ZRANB3: variants seen among roughly 807,000 people sequenced by gnomAD.
The protein encoded by ZRANB3 is zinc finger RANBP2-type containing 3.
ZRANB3 carries 125 observed loss-of-function variants against 133.8 expected under a neutral mutation model. The observed-to-expected ratio is 0.93, with a 90% CI of 0.81 to 1.08. The LOEUF is 1.08. ZRANB3 is among the 50% of genes least tolerant of loss of function. The pLI is 0.00. For synonymous variants in ZRANB3, 387 were observed against 432.7 expected, an observed-to-expected ratio of 0.89 and a Z score of 1.31; for missense variants, 1,229 against 1,275.5, an observed-to-expected ratio of 0.96 and a Z score of 0.56.
intron 3 of ZRANB3, among the ~76,000 whole-genome samples, chr2:135,383,228 A>G (rs1353062982): frequency 6.6e-6 from 1 of 152,226 alleles, no homozygotes; most frequent in African/African-American, 2.4e-5. Context: ...TTAAACCAAC[A>G]AAGATCAAAA....
intron 2 of ZRANB3, among the ~76,000 whole-genome samples, chr2:135,454,563 G>T (rs1355245065): frequency 3.3e-5 from 5 of 152,094 alleles, no homozygotes; most frequent in Admixed American, 2.0e-4. Context: ...CTACCCAAAA[G>T]ATGACTTTTC....
chr2:135,410,564 A>C (rs1574061025), intron 2 of ZRANB3, among the ~76,000 whole-genome samples: 1 of 152,298 alleles, frequency 6.6e-6, no homozygotes, highest in Non-Finnish European at 1.5e-5. Context: ...TCTCTTCTGG[A>C]CACTGGACTA....
At chr2:135,419,138 C>T (rs1688725958) in intron 2 of ZRANB3, among the ~76,000 whole-genome samples, 1 of 151,448 alleles carries the variant, frequency 6.6e-6, no homozygotes, top group Non-Finnish European at 1.5e-5. Flanking sequence ...GGGGTTTCAC[C>T]ATGTTAGCCA....
intron 12 of ZRANB3, among the ~76,000 whole-genome samples, chr2:135,259,795 C>T (rs1679859417): frequency 1.3e-5 from 2 of 151,796 alleles, no homozygotes; most frequent in Admixed American, 6.6e-5. Flanking sequence ...TTTGGCTCAC[C>T]TATGAATCAT....
At chr2:135,218,553 A>T (rs1694405680) in intron 16 of ZRANB3, among the ~76,000 whole-genome samples, 1 of 152,066 alleles carries the variant, frequency 6.6e-6, no homozygotes, top group Non-Finnish European at 1.5e-5. Flanking sequence ...TAAAAATAGC[A>T]CACAGCATGC....
At chr2:135,244,002 C>T (rs1054231895) in intron 12 of ZRANB3, among the ~76,000 whole-genome samples, 1 of 150,502 alleles carries the variant, frequency 6.6e-6, no homozygotes, top group African/African-American at 2.4e-5. Context: ...TAATAGTCCA[C>T]TATCATCTAC....
intron 8 of ZRANB3, among the ~76,000 whole-genome samples, chr2:135,313,015 G>A (rs1219071977): frequency 1.4e-5 from 2 of 142,410 alleles, no homozygotes; most frequent in African/African-American, 2.6e-5. Context: ...GTAAGATTCC[G>A]TCTTTAAAAA....
At chr2:135,411,410 T>G (rs772414131) in intron 2 of ZRANB3, among the ~76,000 whole-genome samples, 2 of 152,138 alleles carry the variant, frequency 1.3e-5, no homozygotes, top group African/African-American at 2.4e-5. Context: ...GAAACCCTAC[T>G]ACTGGGTATT....
chr2:135,311,595 A>T (rs867949948), intron 8 of ZRANB3, among the ~76,000 whole-genome samples: 10 of 148,970 alleles, frequency 6.7e-5, no homozygotes, highest in Non-Finnish European at 9.0e-5. Flanking sequence ...AAAAAAAAAA[A>T]TTTTAGGGGC....
At chr2:135,460,942 G>A (rs2105015914) in intron 2 of ZRANB3, among the ~76,000 whole-genome samples, 1 of 152,134 alleles carries the variant, frequency 6.6e-6, no homozygotes, top group South Asian at 2.1e-4. Flanking sequence ...TAACTAAAAG[G>A]CAATAAAATA....
intron 12 of ZRANB3, among the ~76,000 whole-genome samples, chr2:135,232,436 G>A (rs1558848324): frequency 6.6e-6 from 1 of 152,202 alleles, no homozygotes; most frequent in Non-Finnish European, 1.5e-5. Flanking sequence ...TGACAGCTTT[G>A]AAGAGAGTAG....
At chr2:135,403,231 T>C (rs1687826328) in intron 2 of ZRANB3, among the ~76,000 whole-genome samples, 1 of 152,166 alleles carries the variant, frequency 6.6e-6, no homozygotes, top group Admixed American at 6.5e-5. Context: ...AGATGGCACC[T>C]GGAACATCAG....
chr2:135,271,939 T>C, intron 9 of ZRANB3, 52 bp from the exon 10 acceptor site: 1 of 1,498,104 alleles, frequency 6.7e-7, no homozygotes, highest in East Asian at 2.4e-5. Context: ...TATGTACCCA[T>C]CTCATTTTAT....
intron 2 of ZRANB3, among the ~76,000 whole-genome samples, chr2:135,455,598 T>C (rs1481980651): frequency 5.5e-5 from 8 of 146,176 alleles, no homozygotes; most frequent in Non-Finnish European, 1.2e-4. Context: ...TCTTTTTTTT[T>C]TTTTTTTTTT....
intron 1 of ZRANB3, among the ~76,000 whole-genome samples, chr2:135,507,255 A>G (rs1376176086): frequency 6.6e-6 from 1 of 152,208 alleles, no homozygotes. Context: ...TAGAAAAAAA[A>G]TCCACAGATT....
intron 13 of ZRANB3, chr2:135,228,269 G>T: frequency 1.9e-5 from 5 of 260,064 alleles, no homozygotes; most frequent in East Asian, 8.7e-5. Flanking sequence ...TAACAAATAG[G>T]TAAATAGTAT....
intron 8 of ZRANB3, among the ~76,000 whole-genome samples, chr2:135,312,141 ATTTTATTTTATTTTAT>A (rs1262885101): frequency 0.019 from 2,183 of 114,892 alleles, 66 homozygotes; most frequent in African/African-American, 0.1. Context: ...TTATTATTTT[ATTTTATTTTATTTTAT>A]TTTTATTTTA....
intron 15 of ZRANB3, among the ~76,000 whole-genome samples, chr2:135,223,466 A>T (rs1694635630): frequency 6.6e-6 from 1 of 151,410 alleles, no homozygotes; most frequent in Non-Finnish European, 1.5e-5. Context: ...GCTACGATTA[A>T]AGGCACTTGC....
rs1470045527 is a variant in ZRANB3, at chr2:135,272,437, C to T, written c.1087-550G>A. Among the ~76,000 whole-genome samples the T allele has an allele frequency of 6.3e-5, 5 of 79,536 alleles. No homozygotes were observed. The African/African-American group carries it at 6.7e-4, about 11-fold the overall frequency. 52.2% of individuals were successfully genotyped at this position (79,536 alleles called of 152,430 possible). ...AGCTTTTTTTTTTTTTTTTTTGTGACGGAGTCTTGCTCTGTCACCCAGGCT... is the reference window on the plus strand; with the variant it reads ...AGCTTTTTTTTTTTTTTTTTTGTGATGGAGTCTTGCTCTGTCACCCAGGCT... On this transcript the variant is annotated intron_variant, in intron 9 of 20. Transcript: ENST00000264159.
Sources: gnomAD v4.1 joint callset for allele counts (sites outside exome capture counted in the v4.1 genomes callset) on GRCh38, gnomAD v4.1.1 for gene constraint, MANE v1.5 for transcripts, NCBI Gene and HGNC (gene_info 2026-07-23, HGNC 2026-07-21) for gene names.